The following PTPRK variants were observed in gnomAD, a reference collection of about 807,000 sequenced individuals.
PTPRK encodes the protein protein tyrosine phosphatase receptor type K.
Under a neutral mutation model 178.0 loss-of-function variants are expected in PTPRK, and 75 were observed. That is an observed-to-expected ratio of 0.42 (90% CI 0.35 to 0.51). The LOEUF (loss-of-function observed/expected upper bound fraction) is 0.51, where lower values mean the gene tolerates loss of function less well. Ranked by LOEUF, PTPRK falls within the 20% of genes least tolerant of loss-of-function variation. PTPRK has a pLI of 0.02. For missense variants in PTPRK, 1,441 were observed against 1,797.8 expected, an observed-to-expected ratio of 0.80 and a Z score of 3.59; for synonymous variants, 637 against 620.6, an observed-to-expected ratio of 1.03 and a Z score of -0.39.
chr6:128,083,426 C>CA (rs1785169889), intron 9 of PTPRK, among the ~76,000 whole-genome samples: 1 of 151,922 alleles, frequency 6.6e-6, no homozygotes, highest in Non-Finnish European at 1.5e-5. Flanking sequence ...GTGATTATTA[C>CA]TATAACCATC....
intron 15 of PTPRK, among the ~76,000 whole-genome samples, chr6:127,999,678 C>T (rs935857375): frequency 1.3e-5 from 2 of 151,978 alleles, no homozygotes; most frequent in African/African-American, 4.8e-5. Context: ...GTTCCCATGA[C>T]CTCTTATTCA....
rs935522493 is a variant in PTPRK, at chr6:128,348,584, G to A, written c.224-26274C>T. On this transcript the variant is annotated intron_variant, in intron 2 of 29. Coordinates refer to ENST00000368226, the MANE Select transcript of PTPRK (RefSeq NM_002844.4). ...TAAGAATGACAATCCGTTTCCTTTT[G>A]TAAACTGAAATATTTTAGTTTGTTA... Among the ~76,000 whole-genome samples, 8 of 151,894 alleles carry A rather than the reference G, an allele frequency of 5.3e-5. No homozygotes were observed. The South Asian group carries it at 1.0e-3, about 20-fold the overall frequency.
chr6:128,092,056 T>C (rs979149283), intron 7 of PTPRK, among the ~76,000 whole-genome samples: 6 of 152,326 alleles, frequency 3.9e-5, no homozygotes, highest in African/African-American at 1.4e-4. Context: ...TTGGCACTCA[T>C]TGTATTAAAA....
intron 2 of PTPRK, among the ~76,000 whole-genome samples, chr6:128,392,836 T>G (rs1396110555): frequency 6.6e-6 from 1 of 152,132 alleles, no homozygotes; most frequent in Non-Finnish European, 1.5e-5. Flanking sequence ...TAGGTAATAT[T>G]TATAAAGACT....
chr6:128,387,349 C>T (rs1486743631), intron 2 of PTPRK, among the ~76,000 whole-genome samples: 2 of 152,150 alleles, frequency 1.3e-5, no homozygotes, highest in Non-Finnish European at 2.9e-5. Flanking sequence ...TTTATAGCAA[C>T]ACAAATGATA....
At chr6:128,466,900 A>T (rs557469238) in intron 1 of PTPRK, among the ~76,000 whole-genome samples, 1 of 152,216 alleles carries the variant, frequency 6.6e-6, no homozygotes, top group South Asian at 2.1e-4. Flanking sequence ...TTGAGAATCA[A>T]CTAAAACTGA....
intron 1 of PTPRK, among the ~76,000 whole-genome samples, chr6:128,452,213 G>C (rs1367310002): frequency 6.6e-6 from 1 of 151,938 alleles, no homozygotes; most frequent in Non-Finnish European, 1.5e-5. Context: ...TTTTCATTTT[G>C]GTCCCCTTTC....
intron 1 of PTPRK, among the ~76,000 whole-genome samples, chr6:128,419,341 G>C (rs1279304485): frequency 6.6e-6 from 1 of 152,174 alleles, no homozygotes; most frequent in Non-Finnish European, 1.5e-5. Flanking sequence ...GGCCGGGCGC[G>C]GTGGCTCACG....
chr6:128,200,845 GA>G (rs1312764289), intron 6 of PTPRK, among the ~76,000 whole-genome samples: 6 of 136,880 alleles, frequency 4.4e-5, no homozygotes, highest in Non-Finnish European at 8.0e-5. Context: ...GGATGAGGAG[GA>G]GGGGGGGAGG....
At chr6:128,225,053 G>A (rs954683421) in intron 5 of PTPRK, among the ~76,000 whole-genome samples, 5 of 152,084 alleles carry the variant, frequency 3.3e-5, no homozygotes, top group African/African-American at 9.7e-5. Flanking sequence ...ATTAAAATAT[G>A]TTACACTTTA....
intron 3 of PTPRK, among the ~76,000 whole-genome samples, chr6:128,286,255 A>T (rs1427067664): frequency 1.3e-5 from 2 of 152,030 alleles, no homozygotes; most frequent in Admixed American, 6.5e-5. Flanking sequence ...TGCTCTTCGA[A>T]CTGTGCGTTT....
At chr6:128,481,050 C>A (rs1429141751) in intron 1 of PTPRK, among the ~76,000 whole-genome samples, 1 of 151,546 alleles carries the variant, frequency 6.6e-6, no homozygotes, top group Non-Finnish European at 1.5e-5. Context: ...CTTTTATACA[C>A]ATTACAGCCC....
At chr6:128,038,335 A>T (rs1038488750) in intron 13 of PTPRK, among the ~76,000 whole-genome samples, 16 of 152,128 alleles carry the variant, frequency 1.1e-4, no homozygotes, top group African/African-American at 1.7e-4. Context: ...AACATTTTTT[A>T]AAAAAATTAT....
intron 6 of PTPRK, among the ~76,000 whole-genome samples, chr6:128,197,184 CTTTTTTTTT>C (rs5879879): frequency 1.4e-5 from 2 of 138,650 alleles, no homozygotes; most frequent in African/African-American, 2.7e-5. Context: ...TTGTTTTTTT[CTTTTTTTTT>C]TTTTTGGCTT....
rs1214244165 is a variant in PTPRK, at chr6:128,447,496, C to T, written c.101-49808G>A. Among the ~76,000 whole-genome samples the T allele has an allele frequency of 2.0e-5, 3 of 152,066 alleles. No individual in the cohort carries two copies. The East Asian group carries it at 5.8e-4, about 29-fold the overall frequency. On this transcript the variant is annotated intron_variant, in intron 1 of 29. Transcript: ENST00000368226. ...GATGTTACATAACTGATCTAGAGAT[C>T]CACTAAATAATTAGTGGTCAGACCC...
intron 7 of PTPRK, among the ~76,000 whole-genome samples, chr6:128,156,958 C>A (rs1267766130): frequency 6.6e-6 from 1 of 151,744 alleles, no homozygotes; most frequent in Non-Finnish European, 1.5e-5. Context: ...CTTTTTCTTT[C>A]GGTTTCTATG....
At chr6:128,144,581 T>G (rs1259341314) in intron 7 of PTPRK, among the ~76,000 whole-genome samples, 1 of 152,174 alleles carries the variant, frequency 6.6e-6, no homozygotes, top group African/African-American at 2.4e-5. Flanking sequence ...AACAAGATCT[T>G]GCCATCATTT....
chr6:128,343,432 G>A (rs1321886944), intron 2 of PTPRK, among the ~76,000 whole-genome samples: 5 of 150,910 alleles, frequency 3.3e-5, no homozygotes, highest in Non-Finnish European at 4.4e-5. Flanking sequence ...CCTGGAAGGC[G>A]GAGGTTGCAG....
At chr6:128,216,962 T>G (rs1809423486) in intron 6 of PTPRK, among the ~76,000 whole-genome samples, 1 of 152,222 alleles carries the variant, frequency 6.6e-6, no homozygotes, top group South Asian at 2.1e-4. Flanking sequence ...TTCAAAAGCA[T>G]TCTAGGTACA....
Sources: allele counts gnomAD v4.1 joint callset (sites outside exome capture counted in the v4.1 genomes callset), GRCh38; gene constraint gnomAD v4.1.1; transcripts MANE v1.5; gene names NCBI Gene and HGNC (gene_info 2026-07-23, HGNC 2026-07-21).